The following SCAMP5 variants were observed in gnomAD, a reference collection of about 807,000 sequenced individuals.
The protein encoded by SCAMP5 is secretory carrier membrane protein 5.
A neutral mutation model predicts 28.3 loss-of-function variants in SCAMP5; 7 were observed. The ratio of observed to expected loss-of-function variants is 0.25; its 90% CI spans 0.14 to 0.46. The LOEUF is 0.46. Among genes scored for constraint, SCAMP5 ranks in the 20% least tolerant of loss-of-function variants. The pLI is 0.99. For missense variants in SCAMP5, 192 were observed against 312.5 expected, an observed-to-expected ratio of 0.61 and a Z score of 2.91; for synonymous variants, 117 against 116.4, an observed-to-expected ratio of 1.00 and a Z score of -0.03.
chr15:75,007,201 A>G (rs2065768580), intron 1 of SCAMP5, among the ~76,000 whole-genome samples: 1 of 152,150 alleles, frequency 6.6e-6, no homozygotes, highest in Non-Finnish European at 1.5e-5. Flanking sequence ...TGAATCCAAC[A>G]CCACAAGGCT....
chr15:75,008,240 T>A (rs1463229582), intron 1 of SCAMP5, among the ~76,000 whole-genome samples: 1 of 152,134 alleles, frequency 6.6e-6, no homozygotes, highest in Non-Finnish European at 1.5e-5. Context: ...TTAAAAAAAC[T>A]TATTAATAAG....
intron 1 of SCAMP5, among the ~76,000 whole-genome samples, chr15:74,997,926 G>A (rs1483894831): frequency 6.6e-6 from 1 of 152,162 alleles, no homozygotes; most frequent in Non-Finnish European, 1.5e-5. Context: ...GAGCAGGAGG[G>A]GGAAACTTCC....
Position 75,019,214 on chromosome 15 carries a change from G to T in SCAMP5, c.*231G>T, listed in dbSNP as rs577624230. 1.7e-4 allele frequency: 57 copies of T among 338,074 alleles called. No individual in the cohort carries two copies. Among genetic ancestry groups the T allele is most frequent in the African/African-American group, 1.2e-3 (55 of 46,838 alleles). 20.9% of individuals were successfully genotyped at this position (338,074 alleles called of 1,614,324 possible). On this transcript the variant is annotated 3_prime_UTR_variant, in exon 7 of 7. Coordinates refer to ENST00000425597, the MANE Select transcript of SCAMP5 (RefSeq NM_138967.4). Reference sequence around the variant, plus strand: ...TGTGGGCTGCACGTGGAGCTGTCCCGTGCGGTAGTAGCTGTGTCTGTGTCC... The same window carrying T: ...TGTGGGCTGCACGTGGAGCTGTCCCTTGCGGTAGTAGCTGTGTCTGTGTCC...
At chr15:75,005,981 CTTTTT>C (rs527501720) in intron 1 of SCAMP5, among the ~76,000 whole-genome samples, 1 of 81,014 alleles carries the variant, frequency 1.2e-5, no homozygotes, top group African/African-American at 5.3e-5. Flanking sequence ...CTCGGCCTCC[CTTTTT>C]TTTTTTTTTT....
intron 1 of SCAMP5, among the ~76,000 whole-genome samples, chr15:75,001,400 CTG>C (rs1361323365): frequency 6.6e-6 from 1 of 151,924 alleles, no homozygotes; most frequent in African/African-American, 2.4e-5. Context: ...AGTGCTCAGG[CTG>C]TGTCAGAATT....
chr15:75,016,469 C>T, intron 3 of SCAMP5, 124 bp from the exon 4 acceptor site: 3 of 842,460 alleles, frequency 3.6e-6, no homozygotes, highest in South Asian at 1.7e-5. Context: ...GCGCTGTTGG[C>T]CTGGCTTGAT....
intron 3 of SCAMP5, 25 bp downstream of exon 3, chr15:75,012,830 G>T (rs763643862): frequency 6.2e-7 from 1 of 1,613,422 alleles, no homozygotes; most frequent in African/African-American, 1.3e-5. Flanking sequence ...ATGGGGGTGG[G>T]CCAGGGTGGC....
At position 75,010,796 on chromosome 15, in the gene SCAMP5, G is replaced by T. The variant is rs569144776; in HGVS notation, c.-48-996G>T. On this transcript the variant is annotated intron_variant, in intron 1 of 6. Transcript: ENST00000425597. ...CCCTGTCTAAGAAAAAAAAAAATGT[G>T]AAGCTCCTTCCTAGTAAGGAACTGT... is the stretch of plus-strand genomic sequence containing the variant. 5.3e-5 allele frequency among the ~76,000 whole-genome samples: 8 copies of T among 151,316 alleles called. No individual in the cohort carries two copies. In the East Asian group the frequency reaches 1.6e-3, roughly 30 times the overall value.
intron 1 of SCAMP5, among the ~76,000 whole-genome samples, chr15:75,005,699 G>C (rs899941459): frequency 6.6e-6 from 1 of 152,148 alleles, no homozygotes. Flanking sequence ...TCTGTGCACA[G>C]CATAGCAGGA....
intron 4 of SCAMP5, 80 bp downstream of exon 4, chr15:75,016,829 C>CTTT: frequency 3.6e-5 from 35 of 979,758 alleles, no homozygotes; most frequent in Non-Finnish European, 4.0e-5. Flanking sequence ...TTTCTCACTT[C>CTTT]TTTTTTTTTT....
chr15:75,006,886 G>A (rs1200423331), intron 1 of SCAMP5, among the ~76,000 whole-genome samples: 1 of 152,144 alleles, frequency 6.6e-6, no homozygotes, highest in Non-Finnish European at 1.5e-5. Context: ...AGGTTGCAGT[G>A]AGCTGAGATC....
At chr15:75,011,079 C>T (rs953637582) in intron 1 of SCAMP5, among the ~76,000 whole-genome samples, 1 of 152,026 alleles carries the variant, frequency 6.6e-6, no homozygotes, top group Non-Finnish European at 1.5e-5. Context: ...GTGGTGCATG[C>T]CTGTAGTTCC....
intron 2 of SCAMP5, 43 bp downstream of exon 2, chr15:75,011,889 G>C: frequency 6.4e-7 from 1 of 1,573,048 alleles, no homozygotes; most frequent in Non-Finnish European, 8.7e-7. Flanking sequence ...ATGACAGTGA[G>C]CATAGCGTGG....
chr15:75,004,715 AGAGT>A (rs2065739840), intron 1 of SCAMP5, among the ~76,000 whole-genome samples: 1 of 152,008 alleles, frequency 6.6e-6, no homozygotes. Context: ...CCTGGGTGAC[AGAGT>A]GAGACCCTGT....
intron 5 of SCAMP5, 21 bp downstream of exon 5, chr15:75,017,992 C>T (rs2065873508): frequency 2.0e-6 from 3 of 1,515,118 alleles, no homozygotes; most frequent in Admixed American, 3.3e-5. Flanking sequence ...GGGGTGTGGC[C>T]TGGGGCTGGC....
intron 1 of SCAMP5, chr15:74,997,261 C>T (rs2065661989): frequency 6.6e-6 from 1 of 152,222 alleles, no homozygotes; most frequent in Non-Finnish European, 1.5e-5. Context: ...GCACTTCCTT[C>T]CCTGCTGCCA....
chr15:75,016,816 T>A (rs1438266374), intron 4 of SCAMP5, 67 bp downstream of exon 4: 4 of 1,318,842 alleles, frequency 3.0e-6, no homozygotes, highest in Non-Finnish European at 4.1e-6. Flanking sequence ...CTTCTCCATA[T>A]CTTTTCTCAC....
At chr15:75,008,915 CGTGT>C (rs2065786158) in intron 1 of SCAMP5, among the ~76,000 whole-genome samples, 1 of 152,104 alleles carries the variant, frequency 6.6e-6, no homozygotes, top group African/African-American at 2.4e-5. Context: ...TGTCGAATAA[CGTGT>C]GTGTTTGTCA....
intron 1 of SCAMP5, among the ~76,000 whole-genome samples, chr15:74,999,758 C>T (rs1477476532): frequency 2.6e-5 from 4 of 152,032 alleles, no homozygotes; most frequent in East Asian, 3.8e-4. Flanking sequence ...GCCGAGATCG[C>T]GCCACTGCAC....
Sources: allele counts gnomAD v4.1 joint callset (sites outside exome capture counted in the v4.1 genomes callset), GRCh38; gene constraint gnomAD v4.1.1; transcripts MANE v1.5; gene names NCBI Gene and HGNC (gene_info 2026-07-23, HGNC 2026-07-21).